The following DENND5B variants were observed in gnomAD, a reference collection of about 807,000 sequenced individuals.
The protein encoded by DENND5B is DENN domain-containing protein 5B.
In DENND5B, 34 loss-of-function variants were observed where a neutral mutation model predicts 140.6. The ratio of observed to expected loss-of-function variants is 0.24; its 90% CI spans 0.18 to 0.32. DENND5B has a LOEUF of 0.32. Among genes scored for constraint, DENND5B ranks in the 10% least tolerant of loss-of-function variants. DENND5B has a pLI of 1.00. For missense variants in DENND5B, 1,142 were observed against 1,560.2 expected, an observed-to-expected ratio of 0.73 and a Z score of 4.52; for synonymous variants, 551 against 562.1, an observed-to-expected ratio of 0.98 and a Z score of 0.28.
At chr12:31,422,274 A>G (rs1353776077) in intron 11 of DENND5B, among the ~76,000 whole-genome samples, 8 of 151,638 alleles carry the variant, frequency 5.3e-5, no homozygotes, top group African/African-American at 1.9e-4. Context: ...AAAAAAAAAA[A>G]AAAAAAATAG....
At chr12:31,461,579 T>C (rs1945022098) in intron 3 of DENND5B, among the ~76,000 whole-genome samples, 1 of 152,202 alleles carries the variant, frequency 6.6e-6, no homozygotes, top group African/African-American at 2.4e-5. Context: ...ACCACATATA[T>C]GAACTATCTA....
intron 1 of DENND5B, among the ~76,000 whole-genome samples, chr12:31,569,882 A>G (rs1949756936): frequency 6.6e-6 from 1 of 151,664 alleles, no homozygotes; most frequent in African/African-American, 2.4e-5. Context: ...ATTCATCTCA[A>G]TTCAACTCAT....
chr12:31,448,543 T>C (rs570645643), intron 5 of DENND5B, among the ~76,000 whole-genome samples: 1 of 152,338 alleles, frequency 6.6e-6, no homozygotes, highest in South Asian at 2.1e-4. Context: ...GCATTAATCT[T>C]AAAAAAGACA....
chr12:31,389,318 T>C lies in DENND5B; in HGVS notation c.3641+6A>G, dbSNP rs1941007780. 1 of 1,609,380 alleles carries C rather than the reference T, an allele frequency of 6.2e-7. No homozygotes were observed. The highest frequency in any genetic ancestry group is 8.5e-7 in the Non-Finnish European group (1 of 1,177,824). On this transcript the variant is annotated splice_donor_region_variant and intron_variant, in intron 20 of 20. Transcript: ENST00000389082. ...AGATAGGGAAAATAAAAAACTGGTT[T>C]TGTACCTTGTTCCAAGGCAAACTAA...
intron 1 of DENND5B, among the ~76,000 whole-genome samples, chr12:31,578,555 T>A (rs912276243): frequency 2.6e-5 from 4 of 152,146 alleles, no homozygotes; most frequent in African/African-American, 9.7e-5. Context: ...GCCACCTTTC[T>A]CTCCCACCCA....
chr12:31,446,391 C>T (rs551156011), intron 6 of DENND5B, among the ~76,000 whole-genome samples: 6 of 152,234 alleles, frequency 3.9e-5, no homozygotes, highest in South Asian at 4.1e-4. Context: ...TCAAGTGATC[C>T]GCTGGCCTTG....
chr12:31,531,356 C>T (rs570907579), intron 1 of DENND5B, among the ~76,000 whole-genome samples: 49 of 152,248 alleles, frequency 3.2e-4, no homozygotes, highest in Non-Finnish European at 6.3e-4. Context: ...CATGCCACTA[C>T]GTCCCGCTAA....
chr12:31,456,329 C>CAAAAAAA (rs56369582), intron 4 of DENND5B, among the ~76,000 whole-genome samples: 1 of 121,644 alleles, frequency 8.2e-6, no homozygotes, highest in African/African-American at 3.1e-5. Context: ...GACTCCGTCT[C>CAAAAAAA]AAAAAAAAAA....
At chr12:31,389,110 G>T (rs1940996223) in intron 20 of DENND5B, among the ~76,000 whole-genome samples, 1 of 152,234 alleles carries the variant, frequency 6.6e-6, no homozygotes, top group South Asian at 2.1e-4. Context: ...GTGAATTAAA[G>T]AAACCCAAGG....
At position 31,460,177 on chromosome 12, in the gene DENND5B, A is replaced by T; in HGVS notation, c.1092+17T>A. 1 of 1,599,494 alleles carries T rather than the reference A, an allele frequency of 6.3e-7. No individual in the cohort carries two copies. Among genetic ancestry groups the T allele is most frequent in the Non-Finnish European group, 8.5e-7 (1 of 1,171,224 alleles). ...ATCAGCAAACAGCAAATGCTTCATC[A>T]TTCATTGTAGTTTTACCTCTTGAGG... On this transcript the variant is annotated intron_variant, in intron 4 of 20. Transcript: ENST00000389082.
chr12:31,453,757 G>A (rs550234768), intron 4 of DENND5B, among the ~76,000 whole-genome samples: 8 of 152,198 alleles, frequency 5.3e-5, no homozygotes, highest in African/African-American at 1.4e-4. Flanking sequence ...GCAACCAGTC[G>A]GGTCTTTGTT....
chr12:31,490,909 G>T (rs1946500776), intron 2 of DENND5B, among the ~76,000 whole-genome samples: 2 of 152,162 alleles, frequency 1.3e-5, no homozygotes, highest in South Asian at 4.1e-4. Context: ...CTTTATAATA[G>T]TTATTACTCT....
chr12:31,523,226 C>T (rs1043733914), intron 1 of DENND5B, among the ~76,000 whole-genome samples: 5 of 151,980 alleles, frequency 3.3e-5, no homozygotes, highest in Non-Finnish European at 7.4e-5. Context: ...ACCTGCCTGG[C>T]TAATTTTTGT....
chr12:31,507,102 G>C (rs940764628), intron 1 of DENND5B, among the ~76,000 whole-genome samples: 2 of 152,064 alleles, frequency 1.3e-5, no homozygotes, highest in Non-Finnish European at 2.9e-5. Flanking sequence ...TACCTGATTA[G>C]CATAACATTC....
intron 1 of DENND5B, among the ~76,000 whole-genome samples, chr12:31,558,319 C>T (rs1457965447): frequency 1.3e-5 from 2 of 151,976 alleles, no homozygotes; most frequent in Non-Finnish European, 2.9e-5. Flanking sequence ...GAGGCAATTG[C>T]ACTGGTGACT....
At chr12:31,449,062 T>C (rs1227976399) in intron 5 of DENND5B, among the ~76,000 whole-genome samples, 1 of 152,184 alleles carries the variant, frequency 6.6e-6, no homozygotes, top group African/African-American at 2.4e-5. Flanking sequence ...CTACATTCAA[T>C]GCAGTACTAA....
chr12:31,416,369 T>C (rs550855150), intron 11 of DENND5B, among the ~76,000 whole-genome samples: 53 of 152,048 alleles, frequency 3.5e-4, no homozygotes, highest in African/African-American at 1.3e-3. Context: ...GTTCAAGCAA[T>C]TCTCATGCCT....
intron 3 of DENND5B, among the ~76,000 whole-genome samples, chr12:31,468,296 T>C (rs1945373408): frequency 6.6e-6 from 1 of 152,008 alleles, no homozygotes; most frequent in African/African-American, 2.4e-5. Context: ...TCAATGATAA[T>C]GAAAGTATCA....
intron 1 of DENND5B, among the ~76,000 whole-genome samples, chr12:31,497,970 GGAAA>G (rs1349513061): frequency 1.4e-5 from 2 of 146,146 alleles, no homozygotes; most frequent in African/African-American, 2.5e-5. Context: ...GGGAGGGAAG[GGAAA>G]GAAAGAGAGG....
Sources: gnomAD v4.1 joint callset for allele counts (sites outside exome capture counted in the v4.1 genomes callset) on GRCh38, gnomAD v4.1.1 for gene constraint, MANE v1.5 for transcripts, NCBI Gene and HGNC (gene_info 2026-07-23, HGNC 2026-07-21) for gene names.